The following IQCH variants were observed in gnomAD, a reference collection of about 807,000 sequenced individuals.
The protein encoded by IQCH is IQ domain-containing protein H.
A neutral mutation model predicts 117.0 loss-of-function variants in IQCH; 98 were observed. The ratio of observed to expected loss-of-function variants is 0.84; its 90% CI spans 0.71 to 0.99. The LOEUF (loss-of-function observed/expected upper bound fraction) is 0.99, where lower values mean the gene tolerates loss of function less well. Ranked by LOEUF, IQCH falls within the 50% of genes least tolerant of loss-of-function variation. IQCH has a pLI of 0.00. For synonymous variants in IQCH, 412 were observed against 448.2 expected, an observed-to-expected ratio of 0.92 and a Z score of 1.02; for missense variants, 1,102 against 1,243.8, an observed-to-expected ratio of 0.89 and a Z score of 1.72.
intron 6 of IQCH, among the ~76,000 whole-genome samples, chr15:67,349,262 T>C (rs1429059086): frequency 6.6e-6 from 1 of 152,190 alleles, no homozygotes; most frequent in Non-Finnish European, 1.5e-5. Context: ...CTGGATACAT[T>C]GGACTTCATC....
intron 4 of IQCH, chr15:67,304,525 GATGTA>G (rs758255240): frequency 2.3e-5 from 17 of 732,874 alleles, no homozygotes; most frequent in East Asian, 2.9e-5. Flanking sequence ...AGTAGTGTAA[GATGTA>G]ATGTAGATGT....
rs553140621 is a variant in IQCH at position 67,372,723 on chromosome 15, G to A, written c.1305+61G>A. ...TTTTCTAAACATTTCGTGCTTGAGC[G>A]GTTGTAATAAGTTGTCTCTATCTTC... On this transcript the variant is annotated intron_variant, in intron 9 of 20. Transcript: ENST00000335894. The A allele has an allele frequency of 3.0e-5, 43 of 1,428,842 alleles. No individual in the cohort carries two copies. The Admixed American group carries it at 5.1e-4, about 17-fold the overall frequency. The allele number at this position is 1,428,842 out of a possible 1,614,324, so 88.5% of individuals were successfully genotyped here.
intron 3 of IQCH, among the ~76,000 whole-genome samples, chr15:67,278,456 T>C (rs1596084203): frequency 1.3e-5 from 2 of 152,214 alleles, no homozygotes; most frequent in South Asian, 4.1e-4. Context: ...TTCTTGTCAG[T>C]GTAGGTTCCA....
At chr15:67,277,484 T>TTAC (rs1286377962) in intron 3 of IQCH, among the ~76,000 whole-genome samples, 1 of 152,068 alleles carries the variant, frequency 6.6e-6, no homozygotes, top group Non-Finnish European at 1.5e-5. Context: ...TACACTGTGT[T>TTAC]TACTGTTTGC....
At chr15:67,303,776 A>G (rs1053082806) in intron 4 of IQCH, among the ~76,000 whole-genome samples, 2 of 152,200 alleles carry the variant, frequency 1.3e-5, no homozygotes, top group Non-Finnish European at 2.9e-5. Flanking sequence ...AAAATGAGGA[A>G]TAAGTGGTTC....
chr15:67,319,127 T>C (rs932246412), intron 4 of IQCH, among the ~76,000 whole-genome samples: 5 of 152,020 alleles, frequency 3.3e-5, no homozygotes, highest in Non-Finnish European at 5.9e-5. Flanking sequence ...CTAGGGAGGC[T>C]GAGGCAGGAG....
chr15:67,486,038 C>A, intron 18 of IQCH, among the ~76,000 whole-genome samples: 1 of 106,358 alleles, frequency 9.4e-6, no homozygotes, highest in Admixed American at 1.2e-4. Flanking sequence ...GCTAAGTTTT[C>A]TTTTTTTTTT....
At chr15:67,360,032 T>C (rs1970068018) in intron 8 of IQCH, 147 bp downstream of exon 8, 13 of 615,590 alleles carry the variant, frequency 2.1e-5, no homozygotes, top group Admixed American at 1.5e-4. Flanking sequence ...AATTAGATCA[T>C]GGTTTCAGGA....
chr15:67,332,151 T>G (rs957707002), intron 4 of IQCH, among the ~76,000 whole-genome samples: 2 of 151,890 alleles, frequency 1.3e-5, no homozygotes, highest in Non-Finnish European at 2.9e-5. Context: ...TGTAAGAAAA[T>G]TTTCTCAAAG....
chr15:67,379,794 C>G (rs1248852002), intron 10 of IQCH, among the ~76,000 whole-genome samples: 1 of 152,192 alleles, frequency 6.6e-6, no homozygotes, highest in East Asian at 1.9e-4. Context: ...TCTTCTGAAG[C>G]CTCCCCAGTC....
chr15:67,367,788 A>G (rs1214093941), intron 8 of IQCH, among the ~76,000 whole-genome samples: 2 of 152,080 alleles, frequency 1.3e-5, no homozygotes, highest in African/African-American at 4.8e-5. Flanking sequence ...GATGAAAGGA[A>G]ATGGAAGAGT....
intron 16 of IQCH, among the ~76,000 whole-genome samples, chr15:67,428,848 A>C (rs1264032147): frequency 9.8e-6 from 1 of 101,878 alleles, no homozygotes; most frequent in African/African-American, 3.3e-5. Flanking sequence ...ACTCTGTCTC[A>C]AAAAAAAAAA....
At position 67,433,373 on chromosome 15, in the gene IQCH, A is replaced by G. The variant is rs2082058291; in HGVS notation, c.2505+11796A>G. Among the ~76,000 whole-genome samples the G allele has an allele frequency of 6.6e-6, 1 of 152,206 alleles. No homozygotes were observed. ...AGGTAAACTAGTGGCCAACTTTGCT[A>G]TGTATATATTACCATTTGTGACTGT... is the stretch of plus-strand genomic sequence containing the variant. On this transcript the variant is annotated intron_variant, in intron 16 of 20. Transcript: ENST00000335894. This position sits in a 1 kb window ranked among gnomAD's most constrained non-coding sequence, Gnocchi z 5.4.
chr15:67,368,428 A>G (rs778083463), intron 8 of IQCH, among the ~76,000 whole-genome samples: 3 of 152,216 alleles, frequency 2.0e-5, no homozygotes, highest in Non-Finnish European at 4.4e-5. Flanking sequence ...ACAATTTAAA[A>G]GCAGAGTCAG....
In IQCH at chr15:67,369,317, T is replaced by C. The variant is rs1970440066; in HGVS notation, c.754-2794T>C. ...GGCTTCATGTGGGCCAATTAGTGAA[T>C]ACAGGCATCTCGCAAAGGTATGATT... On this transcript the variant is annotated intron_variant, in intron 8 of 20. Coordinates refer to ENST00000335894, the MANE Select transcript of IQCH (RefSeq NM_001031715.3). This position sits in a 1 kb window ranked among gnomAD's most constrained non-coding sequence, Gnocchi z 5.2. Among the ~76,000 whole-genome samples the C allele has an allele frequency of 6.6e-6, 1 of 152,098 alleles. No homozygotes were observed. The highest frequency in any genetic ancestry group is 2.4e-5 in the African/African-American group (1 of 41,396).
chr15:67,354,607 A>AAG (rs1969807605), intron 6 of IQCH, among the ~76,000 whole-genome samples: 1 of 106,126 alleles, frequency 9.4e-6, no homozygotes, highest in Non-Finnish European at 2.3e-5. Flanking sequence ...AGCACATGCA[A>AAG]TAAGACAAAG....
intron 3 of IQCH, among the ~76,000 whole-genome samples, chr15:67,274,177 G>A (rs931947844): frequency 3.3e-5 from 5 of 152,090 alleles, no homozygotes; most frequent in Admixed American, 2.6e-4. Flanking sequence ...GGTGTTCTCT[G>A]CCCTTCCTGT....
chr15:67,406,099 C>T lies in IQCH; in HGVS notation c.2097+5794C>T, dbSNP rs1419890259. ...ACCCTTTGGTTGTTCATGGGAATGA[C>T]AGATTTTCAATGCCTTTCTCAATTT... On this transcript the variant is annotated intron_variant, in intron 14 of 20. Coordinates refer to ENST00000335894, the MANE Select transcript of IQCH (RefSeq NM_001031715.3). This position sits in a 1 kb window ranked among gnomAD's most constrained non-coding sequence, Gnocchi z 4.5. 6.6e-6 allele frequency: 1 copy of T among 152,206 alleles called. No individual in the cohort carries two copies. The highest frequency in any genetic ancestry group is 6.5e-5 in the Admixed American group (1 of 15,276). 9.4% of individuals were successfully genotyped at this position (152,206 alleles called of 1,614,324 possible).
At position 67,459,137 on chromosome 15, in the gene IQCH, C is replaced by G. The variant is rs1364893200; in HGVS notation, c.2506-5990C>G. On this transcript the variant is annotated intron_variant, in intron 16 of 20. Transcript: ENST00000335894. This position sits in a 1 kb window ranked among gnomAD's most constrained non-coding sequence, Gnocchi z 4.2. ...AGATATTTGTCTCAGACCCTGATAC[C>G]AAAAGCTGGGGCCTTTAGTGGGTCA... Among the ~76,000 whole-genome samples, 1 of 152,094 alleles carries G rather than the reference C, an allele frequency of 6.6e-6. No homozygotes were observed. Among genetic ancestry groups the G allele is most frequent in the Admixed American group, 6.5e-5 (1 of 15,272 alleles).
Sources: gnomAD v4.1 joint callset for allele counts (sites outside exome capture counted in the v4.1 genomes callset) on GRCh38, gnomAD v4.1.1 for gene constraint, Gnocchi (gnomAD v3.1) non-coding constraint, MANE v1.5 for transcripts, NCBI Gene and HGNC (gene_info 2026-07-23, HGNC 2026-07-21) for gene names.